PACSIN2: variants seen among roughly 807,000 people sequenced by gnomAD.
PACSIN2 encodes protein kinase C and casein kinase substrate in neurons protein 2.
A neutral mutation model predicts 63.8 loss-of-function variants in PACSIN2; 25 were observed. That is an observed-to-expected ratio of 0.39 (90% CI 0.29 to 0.55). The LOEUF is 0.55. Ranked by LOEUF, PACSIN2 falls within the 20% of genes least tolerant of loss-of-function variation. The pLI, the probability that PACSIN2 is intolerant of heterozygous loss-of-function variation, is 0.62. For missense variants in PACSIN2, 518 were observed against 646.9 expected (o/e 0.80, Z 2.16); for synonymous variants, 255 against 256.2 (o/e 1.00, Z 0.05).
intron 2 of PACSIN2, among the ~76,000 whole-genome samples, chr22:42,898,641 T>C (rs1930461461): frequency 1.3e-5 from 2 of 151,878 alleles, no homozygotes; most frequent in Non-Finnish European, 2.9e-5. Flanking sequence ...GGGGGCCACA[T>C]CCCTCACAAT....
intron 1 of PACSIN2, among the ~76,000 whole-genome samples, chr22:42,986,804 T>A (rs1240898211): frequency 1.3e-5 from 2 of 152,136 alleles, no homozygotes; most frequent in Non-Finnish European, 2.9e-5. Context: ...CACTTGTCTC[T>A]CTAGATCTAA....
intron 1 of PACSIN2, among the ~76,000 whole-genome samples, chr22:42,920,684 C>T (rs1048765188): frequency 6.6e-6 from 1 of 151,876 alleles, no homozygotes; most frequent in African/African-American, 2.4e-5. Context: ...CACCTAAAAA[C>T]GCCAGTGCTG....
At chr22:42,995,725 C>T (rs1923351160) in intron 1 of PACSIN2, among the ~76,000 whole-genome samples, 1 of 152,156 alleles carries the variant, frequency 6.6e-6, no homozygotes, top group Non-Finnish European at 1.5e-5. Context: ...CCTTAAAGCA[C>T]ATTCCACCCA....
In PACSIN2 at chr22:42,871,806, G is replaced by A. The variant is rs568869466; in HGVS notation, c.1349-337C>T. Among the ~76,000 whole-genome samples the A allele has an allele frequency of 6.6e-6, 1 of 152,070 alleles. No homozygotes were observed. The highest frequency in any genetic ancestry group is 6.6e-5 in the Admixed American group (1 of 15,260). The stretch of plus-strand genomic sequence containing the variant: ...GGCCAGGTGGCAGGAATCGTCCCTC[G>A]GTTGTGCCCCTCCCTCACGTTGGGC... On this transcript the variant is annotated intron_variant, in intron 10 of 10. Coordinates refer to ENST00000263246, the MANE Select transcript of PACSIN2 (RefSeq NM_001184970.3). This position sits in a 1 kb window ranked among gnomAD's most constrained non-coding sequence, Gnocchi z 5.4.
chr22:42,922,656 A>G (rs1932271851), intron 1 of PACSIN2, among the ~76,000 whole-genome samples: 1 of 152,104 alleles, frequency 6.6e-6, no homozygotes, highest in East Asian at 1.9e-4. Flanking sequence ...GGAAATAACG[A>G]TTTATTCTAA....
rs774989810 is a variant in PACSIN2 at position 42,888,655 on chromosome 22, T to C, written c.597A>G (p.Gln199=). ...GTGTACAGTTTACCTTAAGAACATC[T>C]TGCTTGCACTTTTCTATTTTGTCTT... The part of the protein sequence containing the change: ...KLQDKIEKCK[Q]DVLKTKEKYE... The change falls in exon 5 of 11, where the codon CAA becomes CAG. Residue 199 remains glutamine, a synonymous_variant. Transcript: ENST00000263246. The C allele has an allele frequency of 1.2e-6, 2 of 1,614,244 alleles. No homozygotes were observed. Among genetic ancestry groups the C allele is most frequent in the South Asian group, 2.2e-5 (2 of 91,092 alleles).
intron 1 of PACSIN2, among the ~76,000 whole-genome samples, chr22:42,921,907 T>G (rs1363189033): frequency 6.6e-6 from 1 of 151,902 alleles, no homozygotes; most frequent in Admixed American, 6.6e-5. Context: ...CCAGGCTAAT[T>G]TTTGTATTTT....
At chr22:43,000,648 C>T (rs1411119214) in intron 1 of PACSIN2, among the ~76,000 whole-genome samples, 1 of 152,162 alleles carries the variant, frequency 6.6e-6, no homozygotes, top group African/African-American at 2.4e-5. Flanking sequence ...CTTGTCTGAG[C>T]TATAAGGGGA....
chr22:42,961,186 G>A (rs1044190169), intron 1 of PACSIN2, among the ~76,000 whole-genome samples: 4 of 152,224 alleles, frequency 2.6e-5, no homozygotes, highest in Non-Finnish European at 5.9e-5. Context: ...CTATTTACCA[G>A]TGTTCTTGCT....
chr22:42,893,710 C>T (rs983201270), intron 2 of PACSIN2, 97 bp from the exon 3 acceptor site: 3 of 1,254,772 alleles, frequency 2.4e-6, no homozygotes, highest in South Asian at 2.7e-5. Flanking sequence ...CCTGATGCGC[C>T]CCTGGGGTCA....
chr22:42,917,797 T>A (rs1029670009), intron 1 of PACSIN2, among the ~76,000 whole-genome samples: 1 of 152,092 alleles, frequency 6.6e-6, no homozygotes, highest in African/African-American at 2.4e-5. Context: ...TTTCTTTTTC[T>A]TTTTCTTTTT....
At chr22:42,884,221 C>T (rs1381130234) in intron 6 of PACSIN2, among the ~76,000 whole-genome samples, 165 bp downstream of exon 6, 1 of 152,182 alleles carries the variant, frequency 6.6e-6, no homozygotes, top group Non-Finnish European at 1.5e-5. Context: ...GCAGAGGGGC[C>T]CTCCCTGCCA....
intron 2 of PACSIN2, among the ~76,000 whole-genome samples, chr22:42,899,145 C>G (rs1454715075): frequency 6.6e-6 from 1 of 152,162 alleles, no homozygotes; most frequent in Non-Finnish European, 1.5e-5. Context: ...TCCTAATCCA[C>G]CACTCTTTCT....
chr22:42,997,333 C>G (rs924749590), intron 1 of PACSIN2, among the ~76,000 whole-genome samples: 1 of 152,112 alleles, frequency 6.6e-6, no homozygotes, highest in Admixed American at 6.5e-5. Flanking sequence ...CAGAGGCGGG[C>G]AGATCACAAG....
Position 42,893,327 on chromosome 22 carries a change from C to G in PACSIN2, c.217+130G>C, listed in dbSNP as rs1185057780. On this transcript the variant is annotated intron_variant, in intron 3 of 10. Transcript: ENST00000263246. Reference sequence around the variant, plus strand: ...ATAAAAATCACACCCCGCTCTGGAACTGGGAAATGCACTCTTGCCCCAATC... The same window carrying G: ...ATAAAAATCACACCCCGCTCTGGAAGTGGGAAATGCACTCTTGCCCCAATC... 3.2e-6 allele frequency: 3 copies of G among 929,372 alleles called. No individual in the cohort carries two copies. In the African/African-American group the frequency reaches 4.9e-5, roughly 15 times the overall value. 57.6% of individuals were successfully genotyped at this position (929,372 alleles called of 1,614,324 possible).
intron 1 of PACSIN2, among the ~76,000 whole-genome samples, chr22:42,944,074 G>C (rs1006037094): frequency 3.3e-5 from 5 of 152,122 alleles, no homozygotes; most frequent in Admixed American, 1.3e-4. Flanking sequence ...GGTAGTCCTG[G>C]CCACATCAGT....
chr22:42,903,731 G>A (rs1306946227), intron 2 of PACSIN2, among the ~76,000 whole-genome samples: 1 of 152,174 alleles, frequency 6.6e-6, no homozygotes, highest in South Asian at 2.1e-4. Flanking sequence ...GGCCCAAGAG[G>A]GTTAGAGATT....
intron 2 of PACSIN2, among the ~76,000 whole-genome samples, chr22:42,898,259 G>A (rs1257230416): frequency 2.0e-5 from 3 of 150,278 alleles, no homozygotes; most frequent in African/African-American, 7.3e-5. Flanking sequence ...CCTTGGGAAA[G>A]AGAACCTCCT....
At chr22:42,899,547 G>C (rs1930528916) in intron 2 of PACSIN2, among the ~76,000 whole-genome samples, 1 of 152,244 alleles carries the variant, frequency 6.6e-6, no homozygotes, top group Non-Finnish European at 1.5e-5. Context: ...GAAAGGCCAA[G>C]TGTGGGCAGA....
Sources: gnomAD v4.1 joint callset for allele counts (sites outside exome capture counted in the v4.1 genomes callset) on GRCh38, gnomAD v4.1.1 for gene constraint, Gnocchi (gnomAD v3.1) non-coding constraint, MANE v1.5 for transcripts, NCBI Gene and HGNC (gene_info 2026-07-23, HGNC 2026-07-21) for gene names.